MGAM2: variants seen among roughly 807,000 people sequenced by gnomAD.
The protein encoded by MGAM2 is probable maltase-glucoamylase 2.
Under a neutral mutation model 96.1 loss-of-function variants are expected in MGAM2, and 98 were observed. The observed-to-expected ratio is 1.02, with a 90% CI of 0.87 to 1.21. The LOEUF is 1.21. Among genes scored for constraint, MGAM2 ranks in the 50% most tolerant of loss-of-function variants. The pLI, the probability that MGAM2 is intolerant of heterozygous loss-of-function variation, is 0.00. For synonymous variants in MGAM2, 749 were observed against 414.8 expected, an observed-to-expected ratio of 1.81 and a Z score of -9.79; for missense variants, 2,055 against 1,182.4, an observed-to-expected ratio of 1.74 and a Z score of -10.82.
At chr7:142,135,130 G>A (rs73158433) in intron 7 of MGAM2, among the ~76,000 whole-genome samples, 5,544 of 152,212 alleles carry the variant, frequency 0.036, 119 homozygotes, top group Middle Eastern at 0.099. Context: ...TGGTGCAAGG[G>A]AGAGAGCTGA....
At chr7:142,182,207 G>T (rs1348603600) in intron 32 of MGAM2, among the ~76,000 whole-genome samples, 1 of 152,180 alleles carries the variant, frequency 6.6e-6, no homozygotes, top group Non-Finnish European at 1.5e-5. Context: ...TGGTGGGTTG[G>T]TACTGGGCCT....
chr7:142,215,759 A>C (rs1585227747), intron 46 of MGAM2, among the ~76,000 whole-genome samples: 1 of 13,702 alleles, frequency 7.3e-5, no homozygotes, highest in South Asian at 1.5e-3. Flanking sequence ...ACTCTGTCTC[A>C]AAAAAAAAAA....
chr7:142,141,359 A>G (rs1208423524), intron 12 of MGAM2, among the ~76,000 whole-genome samples: 2 of 152,174 alleles, frequency 1.3e-5, no homozygotes, highest in African/African-American at 4.8e-5. Context: ...ATATAACTAG[A>G]AGAAAAATCA....
At chr7:142,175,827 T>G in intron 32 of MGAM2, 47 bp downstream of exon 32, 1 of 691,546 alleles carries the variant, frequency 1.4e-6, no homozygotes, top group Non-Finnish European at 2.6e-6. Flanking sequence ...TCCATATTCA[T>G]GGTTCAAAAA....
At chr7:142,158,141 G>A in intron 18 of MGAM2, 50 bp downstream of exon 18, 2 of 699,972 alleles carry the variant, frequency 2.9e-6, no homozygotes, top group South Asian at 3.0e-5. Flanking sequence ...AGTTTCACTT[G>A]ACTTTGTTTG....
chr7:142,140,559 T>C (rs553376802), intron 10 of MGAM2, among the ~76,000 whole-genome samples: 1 of 152,208 alleles, frequency 6.6e-6, no homozygotes, highest in Non-Finnish European at 1.5e-5. Context: ...ATTCCTGCTC[T>C]CAAGTCCCTC....
At chr7:142,131,750 C>A in intron 5 of MGAM2, 123 bp downstream of exon 5, 1 of 620,126 alleles carries the variant, frequency 1.6e-6, no homozygotes, top group Non-Finnish European at 2.9e-6. Flanking sequence ...ATGGCATGGG[C>A]AGGCTAATTT....
chr7:142,169,496 G>C (rs1796129129), intron 26 of MGAM2, among the ~76,000 whole-genome samples: 1 of 151,998 alleles, frequency 6.6e-6, no homozygotes, highest in Non-Finnish European at 1.5e-5. Context: ...ATGACAAAGA[G>C]GATAGTCACT....
chr7:142,114,746 G>A (rs1817327919), intron 1 of MGAM2, among the ~76,000 whole-genome samples: 1 of 151,890 alleles, frequency 6.6e-6, no homozygotes, highest in South Asian at 2.1e-4. Context: ...AATAGAGGGG[G>A]AAAAATAAGA....
Position 142,154,648 on chromosome 7 carries a change from T to C in MGAM2, c.1807-81T>C, listed in dbSNP as rs78832429. The C allele has an allele frequency of 4.1e-3, 2,736 of 674,514 alleles. 55 individuals carry two copies. In the African/African-American group the frequency reaches 0.042, roughly 10 times the overall value. 41.8% of individuals were successfully genotyped at this position (674,514 alleles called of 1,614,324 possible). A position where few individuals can be genotyped will look rare whatever the true frequency, so the allele number is the denominator to read the frequency against. ...GGGATGATGTGACAAAGAGGTTCTC[T>C]TTTCCCTTATCATATAAATCTTCAC... On this transcript the variant is annotated intron_variant, in intron 16 of 47. Coordinates refer to ENST00000477922, the MANE Select transcript of MGAM2 (RefSeq NM_001293626.2).
intron 27 of MGAM2, 89 bp from the exon 28 acceptor site, chr7:142,171,183 G>T: frequency 1.4e-6 from 1 of 697,848 alleles, no homozygotes; most frequent in Non-Finnish European, 2.6e-6. Context: ...AATTAAGGAG[G>T]CTTTGGAATC....
At chr7:142,180,525 T>A (rs1796505723) in intron 32 of MGAM2, among the ~76,000 whole-genome samples, 1 of 152,188 alleles carries the variant, frequency 6.6e-6, no homozygotes, top group African/African-American at 2.4e-5. Context: ...GGGATGATTA[T>A]CTTGCATAAT....
At chr7:142,121,742 A>G (rs975698367) in intron 3 of MGAM2, among the ~76,000 whole-genome samples, 2 of 151,108 alleles carry the variant, frequency 1.3e-5, no homozygotes, top group Admixed American at 6.6e-5. Context: ...ATCAAGTTAA[A>G]TCTCATATTG....
intron 45 of MGAM2, among the ~76,000 whole-genome samples, chr7:142,202,673 A>G (rs1287684330): frequency 6.6e-6 from 1 of 152,182 alleles, no homozygotes; most frequent in Non-Finnish European, 1.5e-5. Flanking sequence ...GCTGTGTAGT[A>G]TTCCATGGTG....
intron 37 of MGAM2, among the ~76,000 whole-genome samples, chr7:142,192,244 T>G (rs1284709519): frequency 6.6e-6 from 1 of 152,226 alleles, no homozygotes; most frequent in African/African-American, 2.4e-5. Flanking sequence ...TTTCCCACTT[T>G]CTTTACATCT....
intron 27 of MGAM2, 102 bp from the exon 28 acceptor site, chr7:142,171,170 A>T (rs932138338): frequency 4.3e-6 from 3 of 696,444 alleles, no homozygotes; most frequent in Non-Finnish European, 7.9e-6. Flanking sequence ...CTAAATGTGC[A>T]ATAATTAAGG....
chr7:142,121,781 T>C (rs893155775), intron 3 of MGAM2, among the ~76,000 whole-genome samples: 1 of 151,556 alleles, frequency 6.6e-6, no homozygotes, highest in African/African-American at 2.4e-5. Flanking sequence ...TAGTCCCTCC[T>C]CTGGATATTA....
At chr7:142,190,583 A>G (rs1796839747) in intron 37 of MGAM2, among the ~76,000 whole-genome samples, 1 of 151,942 alleles carries the variant, frequency 6.6e-6, no homozygotes, top group African/African-American at 2.4e-5. Context: ...CTACCATTTT[A>G]CATTCTTACC....
chr7:142,210,767 C>A (rs573656148), intron 46 of MGAM2, among the ~76,000 whole-genome samples: 11 of 152,360 alleles, frequency 7.2e-5, no homozygotes, highest in Admixed American at 2.6e-4. Flanking sequence ...GCAGCTTCAG[C>A]AGACTTAAAC....
Sources: gnomAD v4.1 joint callset for allele counts (sites outside exome capture counted in the v4.1 genomes callset) on GRCh38, gnomAD v4.1.1 for gene constraint, MANE v1.5 for transcripts, NCBI Gene and HGNC (gene_info 2026-07-23, HGNC 2026-07-21) for gene names.